ARL15: variants seen among roughly 807,000 people sequenced by gnomAD.
ARL15 encodes the protein ARF like GTPase 15.
In ARL15, 19 loss-of-function variants were observed where a neutral mutation model predicts 25.2. That is an observed-to-expected ratio of 0.75 (90% CI 0.53 to 1.10). The LOEUF is 1.10. Among genes scored for constraint, ARL15 ranks in the 50% least tolerant of loss-of-function variants. The pLI, the probability that ARL15 is intolerant of heterozygous loss-of-function variation, is 0.00. For synonymous variants in ARL15, 94 were observed against 86.8 expected, an observed-to-expected ratio of 1.08 and a Z score of -0.46; for missense variants, 220 against 246.0, an observed-to-expected ratio of 0.89 and a Z score of 0.71.
At chr5:54,017,658 CCTCCCAAAGGGAAGG>C (rs897228046) in intron 4 of ARL15, among the ~76,000 whole-genome samples, 1 of 151,616 alleles carries the variant, frequency 6.6e-6, no homozygotes, top group Non-Finnish European at 1.5e-5. Flanking sequence ...CACAACAAAC[CCTCCCAAAGGGAAGG>C]CTAGAAAAAT....
At chr5:53,971,521 C>A (rs1259459799) in intron 4 of ARL15, among the ~76,000 whole-genome samples, 1 of 152,014 alleles carries the variant, frequency 6.6e-6, no homozygotes, top group Non-Finnish European at 1.5e-5. Flanking sequence ...GGTTATATGA[C>A]TAGAAATTAT....
At chr5:53,900,656 C>T (rs1745037538) in intron 4 of ARL15, among the ~76,000 whole-genome samples, 1 of 151,864 alleles carries the variant, frequency 6.6e-6, no homozygotes, top group African/African-American at 2.4e-5. Context: ...ATGAAAAAGA[C>T]AACAAAATAT....
At chr5:54,140,215 G>T (rs925814933) in intron 3 of ARL15, among the ~76,000 whole-genome samples, 30 of 150,088 alleles carry the variant, frequency 2.0e-4, no homozygotes, top group Admixed American at 1.5e-3. Context: ...AACAAAAAGG[G>T]TGATTAATTG....
chr5:54,117,497 T>G (rs1322268467), intron 3 of ARL15, among the ~76,000 whole-genome samples: 2 of 152,162 alleles, frequency 1.3e-5, no homozygotes, highest in Non-Finnish European at 2.9e-5. Context: ...GATCCTTTTC[T>G]TTAATCTCCT....
intron 4 of ARL15, among the ~76,000 whole-genome samples, chr5:54,021,067 G>A (rs1749586187): frequency 2.0e-5 from 3 of 152,178 alleles, no homozygotes; most frequent in Admixed American, 2.0e-4. Context: ...CAGGCACAGT[G>A]GCTCACGCCT....
At chr5:53,975,737 T>C (rs935560399) in intron 4 of ARL15, among the ~76,000 whole-genome samples, 4 of 152,150 alleles carry the variant, frequency 2.6e-5, no homozygotes, top group Non-Finnish European at 4.4e-5. Flanking sequence ...CCAAAGCCAG[T>C]TGAGACACAA....
intron 4 of ARL15, among the ~76,000 whole-genome samples, chr5:54,101,388 G>C (rs1034990833): frequency 1.3e-5 from 2 of 151,958 alleles, no homozygotes; most frequent in African/African-American, 4.8e-5. Flanking sequence ...CAAAATTACA[G>C]ATTCATATTG....
intron 3 of ARL15, among the ~76,000 whole-genome samples, chr5:54,151,187 C>A (rs1295275366): frequency 6.6e-6 from 1 of 152,020 alleles, no homozygotes; most frequent in African/African-American, 2.4e-5. Flanking sequence ...TTTAGAGCTC[C>A]AATTTCACAA....
chr5:54,194,317 A>G (rs1755493106), intron 1 of ARL15, among the ~76,000 whole-genome samples: 1 of 152,176 alleles, frequency 6.6e-6, no homozygotes, highest in African/African-American at 2.4e-5. Flanking sequence ...AACATAGGCA[A>G]GGATAAAAGA....
At chr5:54,279,630 T>A (rs533134560) in intron 1 of ARL15, among the ~76,000 whole-genome samples, 57 of 152,264 alleles carry the variant, frequency 3.7e-4, no homozygotes, top group African/African-American at 1.3e-3. Context: ...TGGGACACAA[T>A]TAAGATCATC....
intron 4 of ARL15, among the ~76,000 whole-genome samples, chr5:54,098,109 G>A (rs761363019): frequency 6.6e-6 from 1 of 152,082 alleles, no homozygotes; most frequent in Admixed American, 6.6e-5. Flanking sequence ...AAAGAATCTA[G>A]GGTCATATAA....
intron 1 of ARL15, among the ~76,000 whole-genome samples, chr5:54,237,736 T>TG (rs1756847570): frequency 6.6e-6 from 1 of 152,120 alleles, no homozygotes; most frequent in African/African-American, 2.4e-5. Context: ...GAAATGCGGG[T>TG]GATCCTTTGT....
intron 4 of ARL15, among the ~76,000 whole-genome samples, chr5:53,954,404 C>A (rs547305864): frequency 1.3e-5 from 2 of 152,242 alleles, no homozygotes; most frequent in Admixed American, 6.5e-5. Context: ...TCAGTTAATA[C>A]AACAAAAGGA....
intron 2 of ARL15, among the ~76,000 whole-genome samples, chr5:54,166,481 G>T (rs1754571462): frequency 6.6e-6 from 1 of 152,128 alleles, no homozygotes; most frequent in African/African-American, 2.4e-5. Context: ...GATTACAAGT[G>T]TGAGCCACTG....
At chr5:54,031,061 T>G (rs1749966913) in intron 4 of ARL15, among the ~76,000 whole-genome samples, 1 of 152,156 alleles carries the variant, frequency 6.6e-6, no homozygotes, top group Non-Finnish European at 1.5e-5. Context: ...GGTACATGTG[T>G]ACAGGTTGGG....
At chr5:54,171,688 A>G (rs1754722509) in intron 2 of ARL15, 96 bp downstream of exon 2, 1 of 1,354,734 alleles carries the variant, frequency 7.4e-7, no homozygotes, top group Non-Finnish European at 9.8e-7. Context: ...TTAAAGCATT[A>G]AACTATAAGT....
At chr5:54,173,511 G>A (rs546421982) in intron 1 of ARL15, among the ~76,000 whole-genome samples, 36 of 152,148 alleles carry the variant, frequency 2.4e-4, no homozygotes, top group South Asian at 6.2e-4. Context: ...TCATACTCTC[G>A]TAAATCAAAC....
At chr5:54,278,981 T>C (rs566807577) in intron 1 of ARL15, among the ~76,000 whole-genome samples, 2 of 152,332 alleles carry the variant, frequency 1.3e-5, no homozygotes, top group African/African-American at 4.8e-5. Context: ...CAGATATGGA[T>C]TCCTAATATG....
chr5:53,985,357 G>A (rs1034443753), intron 4 of ARL15, among the ~76,000 whole-genome samples: 11 of 152,084 alleles, frequency 7.2e-5, no homozygotes, highest in Non-Finnish European at 1.5e-4. Context: ...ACAGTTCAGC[G>A]CTATTAAATA....
Sources: gnomAD v4.1 joint callset for allele counts (sites outside exome capture counted in the v4.1 genomes callset) on GRCh38, gnomAD v4.1.1 for gene constraint, MANE v1.5 for transcripts, NCBI Gene and HGNC (gene_info 2026-07-23, HGNC 2026-07-21) for gene names.